The following SLC39A11 variants were observed in gnomAD, a reference collection of about 807,000 sequenced individuals.
SLC39A11 encodes the protein solute carrier family 39 member 11, also known as zinc transporter ZIP11.
In SLC39A11, 33 loss-of-function variants were observed where a neutral mutation model predicts 36.1. The ratio of observed to expected loss-of-function variants is 0.91; its 90% confidence interval spans 0.69 to 1.22. The LOEUF is 1.22. Ranked by LOEUF, SLC39A11 falls within the 50% of genes most tolerant of loss-of-function variation. The pLI, the probability that SLC39A11 is intolerant of heterozygous loss-of-function variation, is 0.00. For missense variants in SLC39A11, 432 were observed against 430.3 expected, an observed-to-expected ratio of 1.00 and a Z score of -0.03; for synonymous variants, 166 against 170.3, an observed-to-expected ratio of 0.97 and a Z score of 0.20.
At chr17:72,892,281 A>T (rs772360750) in intron 5 of SLC39A11, among the ~76,000 whole-genome samples, 6 of 151,890 alleles carry the variant, frequency 4.0e-5, no homozygotes, top group Non-Finnish European at 7.4e-5. Flanking sequence ...GTGATGGCGC[A>T]TACCTGTAAT....
chr17:73,055,627 G>A (rs1168960667), intron 3 of SLC39A11, among the ~76,000 whole-genome samples: 3 of 151,810 alleles, frequency 2.0e-5, no homozygotes, highest in Non-Finnish European at 2.9e-5. Context: ...GAGGGAAGGC[G>A]GGTAGGGGGC....
intron 3 of SLC39A11, among the ~76,000 whole-genome samples, chr17:73,046,385 G>C (rs557619118): frequency 2.0e-5 from 3 of 152,298 alleles, no homozygotes; most frequent in South Asian, 4.1e-4. Flanking sequence ...CATGATTCCT[G>C]GGAGATGGAA....
chr17:73,072,694 C>T (rs539022459), intron 3 of SLC39A11, among the ~76,000 whole-genome samples: 2 of 152,266 alleles, frequency 1.3e-5, no homozygotes, highest in South Asian at 2.1e-4. Flanking sequence ...CCAGAGGAAT[C>T]GGGAGTCAGG....
At chr17:72,761,358 G>GC (rs1555661841) in intron 6 of SLC39A11, among the ~76,000 whole-genome samples, 1 of 151,926 alleles carries the variant, frequency 6.6e-6, no homozygotes, top group Non-Finnish European at 1.5e-5. Context: ...CAGGTGATCC[G>GC]CCCCCCTCGG....
At chr17:73,009,604 T>C (rs1180567618) in intron 4 of SLC39A11, among the ~76,000 whole-genome samples, 3 of 152,068 alleles carry the variant, frequency 2.0e-5, no homozygotes, top group African/African-American at 7.2e-5. Context: ...TGGGGTTTCC[T>C]TGGGGGGGTG....
At chr17:72,670,784 C>G (rs2070989920) in intron 7 of SLC39A11, among the ~76,000 whole-genome samples, 1 of 152,154 alleles carries the variant, frequency 6.6e-6, no homozygotes, top group Non-Finnish European at 1.5e-5. Context: ...ATGTACTTAC[C>G]TTCTGGCATC....
chr17:72,896,748 A>C (rs1004448306), intron 5 of SLC39A11, among the ~76,000 whole-genome samples: 6 of 151,962 alleles, frequency 3.9e-5, no homozygotes, highest in African/African-American at 7.3e-5. Context: ...ATGGGAAATG[A>C]CGCTTAAGAA....
rs57958702 is a variant in SLC39A11, at chr17:72,880,924, G to T, written c.431-31120C>A. ...TCTCAATCTCCTGACCTTGTGATCCGCCCACCTCGGCCTCCCAAAGTGCTG... is the reference window on the plus strand; with the variant it reads ...TCTCAATCTCCTGACCTTGTGATCCTCCCACCTCGGCCTCCCAAAGTGCTG... On this transcript the variant is annotated intron_variant, in intron 5 of 9. Coordinates refer to ENST00000255559, the MANE Select transcript of SLC39A11 (RefSeq NM_139177.4). Among the ~76,000 whole-genome samples, 23 of 52,686 alleles carry T rather than the reference G, an allele frequency of 4.4e-4. 2 individuals are homozygous for T. Among genetic ancestry groups the T allele is most frequent in the Non-Finnish European group, 6.5e-4 (20 of 30,866 alleles). 34.6% of individuals were successfully genotyped at this position (52,686 alleles called of 152,430 possible). A position where few individuals can be genotyped will look rare whatever the true frequency, so the allele number is the denominator to read the frequency against.
chr17:72,731,664 G>T (rs1270058595), intron 7 of SLC39A11, among the ~76,000 whole-genome samples: 1 of 151,956 alleles, frequency 6.6e-6, no homozygotes. Flanking sequence ...ATCTCACTTT[G>T]GATGGAACAT....
At chr17:72,964,794 C>T (rs1439972778) in intron 4 of SLC39A11, among the ~76,000 whole-genome samples, 2 of 152,214 alleles carry the variant, frequency 1.3e-5, no homozygotes, top group African/African-American at 4.8e-5. Flanking sequence ...TATAAAGACA[C>T]ATGCACACGT....
chr17:72,939,876 T>C (rs1302043167), intron 5 of SLC39A11, among the ~76,000 whole-genome samples: 1 of 152,184 alleles, frequency 6.6e-6, no homozygotes, highest in African/African-American at 2.4e-5. Flanking sequence ...ATTTTTCAGA[T>C]TTTGGAATAT....
At chr17:72,797,327 T>C (rs1350329715) in intron 6 of SLC39A11, among the ~76,000 whole-genome samples, 1 of 152,054 alleles carries the variant, frequency 6.6e-6, no homozygotes, top group Non-Finnish European at 1.5e-5. Flanking sequence ...CAGGGCTCAG[T>C]GTCCACATCT....
intron 6 of SLC39A11, among the ~76,000 whole-genome samples, chr17:72,768,472 C>G (rs1300291167): frequency 6.6e-6 from 1 of 152,176 alleles, no homozygotes; most frequent in Non-Finnish European, 1.5e-5. Flanking sequence ...GGGCACCAGG[C>G]AGACTGGAAG....
chr17:72,890,284 C>A (rs79346320), intron 5 of SLC39A11, among the ~76,000 whole-genome samples: 1,850 of 140,906 alleles, frequency 0.013, 16 homozygotes, highest in African/African-American at 0.025. Context: ...ACAACAACAA[C>A]AAAAAAAAAA....
At chr17:72,718,103 T>G (rs1254058988) in intron 7 of SLC39A11, among the ~76,000 whole-genome samples, 2 of 152,200 alleles carry the variant, frequency 1.3e-5, no homozygotes, top group Non-Finnish European at 2.9e-5. Flanking sequence ...TCACTGTGGA[T>G]TTTTTACCTA....
chr17:72,835,627 A>G (rs2078500090), intron 6 of SLC39A11, among the ~76,000 whole-genome samples: 1 of 152,028 alleles, frequency 6.6e-6, no homozygotes, highest in South Asian at 2.1e-4. Flanking sequence ...CGCCCAGCTA[A>G]TTTTTGTATT....
At chr17:72,759,376 A>G (rs2075486597) in intron 6 of SLC39A11, among the ~76,000 whole-genome samples, 1 of 152,192 alleles carries the variant, frequency 6.6e-6, no homozygotes, top group African/African-American at 2.4e-5. Context: ...ATAATAACTC[A>G]CTTCACACAA....
At chr17:72,763,360 C>A (rs1171444086) in intron 6 of SLC39A11, among the ~76,000 whole-genome samples, 1 of 152,180 alleles carries the variant, frequency 6.6e-6, no homozygotes, top group African/African-American at 2.4e-5. Context: ...TATGGTCCAA[C>A]CTAATGAGTT....
chr17:72,833,515 G>A (rs1278034716), intron 6 of SLC39A11, among the ~76,000 whole-genome samples: 3 of 152,212 alleles, frequency 2.0e-5, no homozygotes, highest in Non-Finnish European at 4.4e-5. Flanking sequence ...AGAGGCATTG[G>A]GGGATGAACA....
Sources: gnomAD v4.1 joint callset for allele counts (sites outside exome capture counted in the v4.1 genomes callset) on GRCh38, gnomAD v4.1.1 for gene constraint, MANE v1.5 for transcripts, NCBI Gene and HGNC (gene_info 2026-07-23, HGNC 2026-07-21) for gene names.